The following FAM98B variants were observed in gnomAD, a reference collection of about 807,000 sequenced individuals.
FAM98B encodes tRNA splicing ligase complex subunit 3B.
Under a neutral mutation model 43.9 loss-of-function variants are expected in FAM98B, and 32 were observed. The ratio of observed to expected loss-of-function variants is 0.73; its 90% CI spans 0.55 to 0.98. The LOEUF is 0.98. Ranked by LOEUF, FAM98B falls within the 50% of genes least tolerant of loss-of-function variation. FAM98B has a pLI of 0.00. For missense variants in FAM98B, 514 were observed against 522.9 expected (o/e 0.98, Z 0.17); for synonymous variants, 190 against 174.0 (o/e 1.09, Z -0.72).
chr15:38,459,027 G>A (rs1218862093), intron 1 of FAM98B: 2 of 339,392 alleles, frequency 5.9e-6, no homozygotes, highest in South Asian at 2.7e-5. Context: ...CCCCACACCG[G>A]CCAGCAGATC....
At chr15:38,476,701 T>G (rs1366677474) in intron 6 of FAM98B, among the ~76,000 whole-genome samples, 1 of 141,212 alleles carries the variant, frequency 7.1e-6, no homozygotes, top group Non-Finnish European at 1.6e-5. Context: ...ATAGAAACTT[T>G]GCTTTTTTTT....
intron 6 of FAM98B, among the ~76,000 whole-genome samples, chr15:38,480,828 T>C (rs1890271176): frequency 6.6e-6 from 1 of 152,172 alleles, no homozygotes. Context: ...CTTTAGATTT[T>C]TTTTTCATTC....
At chr15:38,459,162 ATC>A (rs372832342) in intron 1 of FAM98B, 5 of 363,230 alleles carry the variant, frequency 1.4e-5, no homozygotes, top group African/African-American at 8.4e-5. Context: ...GGTCTCCTCA[ATC>A]TCTGTAGGCA....
In FAM98B at chr15:38,481,344, C is replaced by T. The variant is rs1198917308; in HGVS notation, c.782C>T (p.Ser261Leu). The T allele has an allele frequency of 1.9e-6, 3 of 1,613,972 alleles. No homozygotes were observed. Among genetic ancestry groups the T allele is most frequent in the Non-Finnish European group, 2.5e-6 (3 of 1,180,030 alleles). Residue 261 changes from serine (S) to leucine (L), a missense_variant, in exon 7 of 8, where the codon TCA (serine) becomes TTA (leucine). Physicochemically the swap from Ser to Leu is moderately radical, Grantham distance 145. Transcript: ENST00000397609. Reference protein sequence around the residue: ...RIYQPKRYALSPKTTITMAHL... With the variant: ...RIYQPKRYALLPKTTITMAHL... ...TATCAGCCTAAGCGTTATGCTTTGT[C>T]ACCCAAGACAACGATTACAATGGCA...
chr15:38,471,946 C>T (rs769742221), intron 4 of FAM98B, among the ~76,000 whole-genome samples: 5 of 152,122 alleles, frequency 3.3e-5, no homozygotes, highest in East Asian at 1.9e-4. Context: ...ACTCAGTTCT[C>T]GCATCACCCG....
chr15:38,482,905 A>C (rs1044378089), intron 7 of FAM98B: 1 of 152,234 alleles, frequency 6.6e-6, no homozygotes, highest in African/African-American at 2.4e-5. Flanking sequence ...AAGCATAGTA[A>C]AGGAATTATA....
intron 6 of FAM98B, 93 bp downstream of exon 6, chr15:38,474,391 A>G (rs896198049): frequency 4.2e-5 from 32 of 756,868 alleles, no homozygotes; most frequent in Non-Finnish European, 7.0e-5. Context: ...CCACATTTGT[A>G]CTTCATCACC....
chr15:38,475,383 T>C (rs1890181632), intron 6 of FAM98B, among the ~76,000 whole-genome samples: 1 of 152,206 alleles, frequency 6.6e-6, no homozygotes, highest in Non-Finnish European at 1.5e-5. Flanking sequence ...GTAGCTTAAG[T>C]AATACAGATT....
At chr15:38,481,926 T>C (rs1890292607) in intron 7 of FAM98B, 1 of 226,952 alleles carries the variant, frequency 4.4e-6, no homozygotes, top group African/African-American at 2.3e-5. Flanking sequence ...AGCTTCTGTT[T>C]CCTGATTTGG....
Position 38,484,487 on chromosome 15 carries a change from G to T in FAM98B, c.1130G>T (p.Gly377Val). 2.0e-6 allele frequency: 2 copies of T among 994,388 alleles called. No individual in the cohort carries two copies. The highest frequency in any genetic ancestry group is 4.5e-5 in the African/African-American group (2 of 44,462). The allele number at this position is 994,388 out of a possible 1,614,324, so 61.6% of individuals were successfully genotyped here. Reference protein sequence around the residue: ...GGGGGGGGGWGGGGGGGRGGF... With the variant: ...GGGGGGGGGWVGGGGGGRGGF... ...GGTGGGGGAGGGGGAGGAGGGTGGG[G>T]GGGAGGAGGAGGAGGTGGTAGAGGA... The change falls in exon 8 of 8, where the codon GGG becomes GTG. Residue 377 changes from glycine (G) to valine (V), a missense_variant. This residue lies in a region of FAM98B where 469 missense variants were observed against 451.8 expected (regional missense o/e 1.04). Coordinates refer to ENST00000397609, the MANE Select transcript of FAM98B (RefSeq NM_173611.4).
chr15:38,481,281 T>C lies in FAM98B; in HGVS notation c.730-11T>C, dbSNP rs1387148102. 5.0e-6 allele frequency: 8 copies of C among 1,604,494 alleles called. No homozygotes were observed. Among genetic ancestry groups the C allele is most frequent in the Admixed American group, 1.7e-5 (1 of 59,832 alleles). ...CTTTTGTTCCTTTTTTCCTTAACTC[T>C]TGTCATTTAGGTAAAAACAGATGAT... On this transcript the variant is annotated splice_polypyrimidine_tract_variant and intron_variant, in intron 6 of 7. Coordinates refer to ENST00000397609, the MANE Select transcript of FAM98B (RefSeq NM_173611.4).
intron 6 of FAM98B, among the ~76,000 whole-genome samples, chr15:38,477,537 G>A (rs184982421): frequency 4.1e-4 from 62 of 152,234 alleles, no homozygotes; most frequent in Middle Eastern, 3.4e-3. Flanking sequence ...TTTACATAGA[G>A]TCCCTTTCCA....
intron 6 of FAM98B, among the ~76,000 whole-genome samples, chr15:38,475,306 C>T (rs190689328): frequency 3.9e-5 from 6 of 152,288 alleles, no homozygotes; most frequent in Admixed American, 6.5e-5. Context: ...TTGTCTTTCA[C>T]ATGACATCTC....
intron 3 of FAM98B, among the ~76,000 whole-genome samples, 175 bp from the exon 4 acceptor site, chr15:38,470,052 T>C (rs1890099426): frequency 6.6e-6 from 1 of 152,204 alleles, no homozygotes; most frequent in Non-Finnish European, 1.5e-5. Context: ...TGCTATGGAC[T>C]AGGGAATCAC....
chr15:38,462,768 T>G (rs1889969429), intron 1 of FAM98B, among the ~76,000 whole-genome samples: 1 of 152,216 alleles, frequency 6.6e-6, no homozygotes, highest in African/African-American at 2.4e-5. Flanking sequence ...TGATATAGTT[T>G]CTCTGAAAAA....
chr15:38,470,692 G>T (rs1003199504), intron 4 of FAM98B: 8 of 214,766 alleles, frequency 3.7e-5, no homozygotes, highest in African/African-American at 1.8e-4. Flanking sequence ...CTTAACCAGG[G>T]TTTTAATGTA....
At chr15:38,465,488 C>A in intron 3 of FAM98B, 85 bp downstream of exon 3, 1 of 1,250,046 alleles carries the variant, frequency 8.0e-7, no homozygotes, top group Non-Finnish European at 1.1e-6. Flanking sequence ...AAGCATTAGA[C>A]ATTTTGTATA....
chr15:38,459,038 C>T (rs60400506), intron 1 of FAM98B: 11,351 of 337,942 alleles, frequency 0.034, 631 homozygotes, highest in African/African-American at 0.15. Flanking sequence ...CCAGCAGATC[C>T]GTCACAGGGT....
intron 1 of FAM98B, chr15:38,458,951 C>T: frequency 2.5e-6 from 1 of 405,566 alleles, no homozygotes; most frequent in South Asian, 2.1e-5. Flanking sequence ...CCCCAGGCGG[C>T]TGAGGTTCCT....
Sources: allele counts gnomAD v4.1 joint callset (sites outside exome capture counted in the v4.1 genomes callset), GRCh38; gene constraint gnomAD v4.1.1; regional missense constraint gnomAD v4.1.1; transcripts MANE v1.5; gene names NCBI Gene and HGNC (gene_info 2026-07-23, HGNC 2026-07-21).